Variants in KCNMB2 observed in about 807,000 individuals in gnomAD.
The protein encoded by KCNMB2 is calcium-activated potassium channel subunit beta-2.
Under a neutral mutation model 24.5 loss-of-function variants are expected in KCNMB2, and 9 were observed. That is an observed-to-expected ratio of 0.37 (90% CI 0.22 to 0.64). The LOEUF (loss-of-function observed/expected upper bound fraction) is 0.64. Among genes scored for constraint, KCNMB2 ranks in the 30% least tolerant of loss-of-function variants. The pLI is 0.63. For missense variants in KCNMB2, 226 were observed against 284.3 expected (o/e 0.79, Z 1.47); for synonymous variants, 109 against 104.4 (o/e 1.04, Z -0.27).
At chr3:178,636,256 T>A (rs937013063) in intron 1 of KCNMB2, among the ~76,000 whole-genome samples, 1 of 152,072 alleles carries the variant, frequency 6.6e-6, no homozygotes, top group African/African-American at 2.4e-5. Flanking sequence ...GGTGGAAGAA[T>A]GGGAGGGGAG....
chr3:178,738,790 C>T (rs541367084), intron 1 of KCNMB2, among the ~76,000 whole-genome samples: 1 of 152,224 alleles, frequency 6.6e-6, no homozygotes, highest in South Asian at 2.1e-4. Flanking sequence ...AAACATAAAC[C>T]CCTGAGGGCG....
At chr3:178,687,073 G>A (rs897747012) in intron 1 of KCNMB2, among the ~76,000 whole-genome samples, 1 of 152,100 alleles carries the variant, frequency 6.6e-6, no homozygotes, top group Admixed American at 6.6e-5. Context: ...AGGACAAAGT[G>A]GCCCAGTAGG....
In KCNMB2 at chr3:178,657,894, T is replaced by G. The variant is rs554878967; in HGVS notation, c.-68+121183T>G. Among the ~76,000 whole-genome samples the G allele has an allele frequency of 4.9e-4, 75 of 152,334 alleles. 1 individual carries two copies. Among genetic ancestry groups the G allele is most frequent in the African/African-American group, 1.8e-3 (74 of 41,568 alleles). ...GTAACTAATCCAGTGCCACAAAAAC[T>G]AACTCAATCCCACACAAAGAAAGCA... On this transcript the variant is annotated intron_variant, in intron 1 of 4. Transcript: ENST00000452583.
At chr3:178,712,997 A>G (rs1259477459) in intron 1 of KCNMB2, among the ~76,000 whole-genome samples, 2 of 152,198 alleles carry the variant, frequency 1.3e-5, no homozygotes, top group Admixed American at 1.3e-4. Flanking sequence ...GGTTTCTCCT[A>G]CTTTTCGTCT....
At chr3:178,677,325 A>G (rs1182343756) in intron 1 of KCNMB2, among the ~76,000 whole-genome samples, 3 of 152,200 alleles carry the variant, frequency 2.0e-5, no homozygotes, top group Non-Finnish European at 4.4e-5. Flanking sequence ...GGGTATGTAC[A>G]TGGAGGACAA....
intron 1 of KCNMB2, among the ~76,000 whole-genome samples, chr3:178,731,229 AT>A (rs1363660467): frequency 6.6e-6 from 1 of 152,202 alleles, no homozygotes; most frequent in African/African-American, 2.4e-5. Flanking sequence ...TACCATTTCT[AT>A]ATGACTTGTA....
intron 1 of KCNMB2, among the ~76,000 whole-genome samples, chr3:178,593,529 C>G (rs1374123734): frequency 6.6e-6 from 1 of 151,988 alleles, no homozygotes; most frequent in Non-Finnish European, 1.5e-5. Context: ...AGTCCTTGAG[C>G]TGAATTCTCC....
At chr3:178,758,758 C>A (rs868823645) in intron 1 of KCNMB2, among the ~76,000 whole-genome samples, 1 of 2,888 alleles carries the variant, frequency 3.5e-4, no homozygotes, top group Non-Finnish European at 4.9e-4. Flanking sequence ...ATATATATAT[C>A]TCCAAGAGGG....
chr3:178,602,469 A>G (rs972860316), intron 1 of KCNMB2, among the ~76,000 whole-genome samples: 1 of 152,054 alleles, frequency 6.6e-6, no homozygotes, highest in Non-Finnish European at 1.5e-5. Context: ...GGAATCAGCA[A>G]TTACAATAAA....
intron 1 of KCNMB2, among the ~76,000 whole-genome samples, chr3:178,620,773 G>A (rs184825810): frequency 2.3e-4 from 35 of 152,266 alleles, no homozygotes; most frequent in Admixed American, 1.7e-3. Flanking sequence ...TCTAACTCCT[G>A]GCAATAAGAT....
intron 1 of KCNMB2, among the ~76,000 whole-genome samples, chr3:178,724,514 C>T (rs1722906060): frequency 6.6e-6 from 1 of 151,994 alleles, no homozygotes; most frequent in African/African-American, 2.4e-5. Context: ...TTAATTAAGT[C>T]CCATTTGTCT....
intron 1 of KCNMB2, among the ~76,000 whole-genome samples, chr3:178,677,857 C>T (rs575229668): frequency 2.6e-5 from 4 of 152,126 alleles, no homozygotes; most frequent in East Asian, 1.9e-4. Context: ...ATTGGAGGAG[C>T]TATGAATATT....
chr3:178,814,967 T>C (rs1478977592), intron 2 of KCNMB2, among the ~76,000 whole-genome samples: 7 of 152,182 alleles, frequency 4.6e-5, no homozygotes, highest in Non-Finnish European at 8.8e-5. Flanking sequence ...AGAAGCTCTT[T>C]AGTTTAATTA....
intron 1 of KCNMB2, among the ~76,000 whole-genome samples, chr3:178,804,341 G>A (rs1180165656): frequency 6.6e-6 from 1 of 152,122 alleles, no homozygotes; most frequent in East Asian, 1.9e-4. Context: ...TTTGAAGCCT[G>A]GAAATTTTTT....
At chr3:178,620,757 T>C (rs1187910042) in intron 1 of KCNMB2, among the ~76,000 whole-genome samples, 1 of 152,202 alleles carries the variant, frequency 6.6e-6, no homozygotes, top group Non-Finnish European at 1.5e-5. Flanking sequence ...ATTTTAAGGA[T>C]GCAGATCTAA....
At chr3:178,825,157 G>A (rs1577217245) in intron 2 of KCNMB2, among the ~76,000 whole-genome samples, 1 of 152,094 alleles carries the variant, frequency 6.6e-6, no homozygotes, top group South Asian at 2.1e-4. Flanking sequence ...CCTAGTATAT[G>A]TTGCCATTTA....
intron 2 of KCNMB2, among the ~76,000 whole-genome samples, chr3:178,814,186 T>A (rs948021575): frequency 3.9e-5 from 6 of 152,158 alleles, no homozygotes; most frequent in Admixed American, 6.5e-5. Flanking sequence ...GTGTCTATTG[T>A]TTCCAGTTTT....
At chr3:178,783,689 G>T (rs372093829) in intron 1 of KCNMB2, among the ~76,000 whole-genome samples, 98 of 151,808 alleles carry the variant, frequency 6.5e-4, no homozygotes, top group African/African-American at 1.7e-3. Context: ...AAGGAGATTT[G>T]GGGCTGAGAC....
chr3:178,699,462 G>A (rs2108338209), intron 1 of KCNMB2, among the ~76,000 whole-genome samples: 1 of 152,290 alleles, frequency 6.6e-6, no homozygotes, highest in African/African-American at 2.4e-5. Context: ...GTATGGGGAG[G>A]GGGCATACAG....
Sources: gnomAD v4.1 joint callset for allele counts (sites outside exome capture counted in the v4.1 genomes callset) on GRCh38, gnomAD v4.1.1 for gene constraint, MANE v1.5 for transcripts, NCBI Gene and HGNC (gene_info 2026-07-23, HGNC 2026-07-21) for gene names.